IGF1R: variants seen among roughly 807,000 people sequenced by gnomAD.
IGF1R encodes the protein insulin like growth factor 1 receptor.
A neutral mutation model predicts 144.6 loss-of-function variants in IGF1R; 44 were observed. That is an observed-to-expected ratio of 0.30 (90% CI 0.24 to 0.39). The LOEUF is 0.39. Ranked by LOEUF, IGF1R falls within the 10% of genes least tolerant of loss-of-function variation. The probability of loss-of-function intolerance (pLI) is 1.00; values close to 1 mark genes in which losing one functional copy is unlikely to be tolerated. For synonymous variants in IGF1R, 795 were observed against 722.8 expected, an observed-to-expected ratio of 1.10 and a Z score of -1.60; for missense variants, 1,355 against 1,833.7, an observed-to-expected ratio of 0.74 and a Z score of 4.77.
chr15:98,693,047 G>A (rs11247367), intron 1 of IGF1R, among the ~76,000 whole-genome samples: 13,111 of 152,178 alleles, frequency 0.086, 677 homozygotes, highest in East Asian at 0.22. Flanking sequence ...GAGCATGGAG[G>A]GGCTGGTGGA....
At chr15:98,760,025 T>A (rs1044120197) in intron 2 of IGF1R, among the ~76,000 whole-genome samples, 2 of 152,208 alleles carry the variant, frequency 1.3e-5, no homozygotes, top group Non-Finnish European at 2.9e-5. Context: ...TCTTTTTAAA[T>A]GAATTGTGTT....
intron 2 of IGF1R, among the ~76,000 whole-genome samples, chr15:98,888,296 G>C (rs963378973): frequency 6.6e-6 from 1 of 152,220 alleles, no homozygotes; most frequent in South Asian, 2.1e-4. Flanking sequence ...ATTATATTCT[G>C]TTGTGACCAG....
intron 19 of IGF1R, among the ~76,000 whole-genome samples, chr15:98,946,365 T>G (rs1464192610): frequency 6.6e-6 from 1 of 152,134 alleles, no homozygotes; most frequent in Non-Finnish European, 1.5e-5. Flanking sequence ...GGACTAATTC[T>G]TTAAGCCCTG....
chr15:98,802,585 CAG>C (rs777763327), intron 2 of IGF1R, among the ~76,000 whole-genome samples: 19 of 152,350 alleles, frequency 1.2e-4, no homozygotes, highest in Non-Finnish European at 1.2e-4. Context: ...CTGCGAAAGA[CAG>C]GGGTTGCTTG....
intron 1 of IGF1R, among the ~76,000 whole-genome samples, chr15:98,656,970 TG>T (rs1442764241): frequency 6.6e-6 from 1 of 152,226 alleles, no homozygotes; most frequent in Admixed American, 6.5e-5. Context: ...ACTCTTGACA[TG>T]GGAGAACAAA....
intron 2 of IGF1R, among the ~76,000 whole-genome samples, chr15:98,872,589 C>T (rs535957070): frequency 7.8e-4 from 118 of 152,254 alleles, no homozygotes; most frequent in African/African-American, 2.7e-3. Context: ...AGTATAGTTC[C>T]GTGGTTTGCC....
rs2017166312 is a variant in IGF1R, at chr15:98,960,117, T to TA, written c.*2675_*2676insA. ...TAGACAAAAGAATACATCTCACCTT[T>TA]CTCAGCACCTGACAATAGGCCGTTG... On this transcript the variant is annotated 3_prime_UTR_variant, in exon 21 of 21. Coordinates refer to ENST00000650285, the MANE Select transcript of IGF1R (RefSeq NM_000875.5). 1 of 233,558 alleles carries TA rather than the reference T, an allele frequency of 4.3e-6. No homozygotes were observed. Among genetic ancestry groups the TA allele is most frequent in the Non-Finnish European group, 8.5e-6 (1 of 118,042 alleles). The allele number at this position is 233,558 out of a possible 1,614,324, so 14.5% of individuals were successfully genotyped here. A position where few individuals can be genotyped will look rare whatever the true frequency, so the allele number is the denominator to read the frequency against.
At chr15:98,765,817 G>C (rs890453472) in intron 2 of IGF1R, among the ~76,000 whole-genome samples, 2 of 152,214 alleles carry the variant, frequency 1.3e-5, no homozygotes, top group African/African-American at 2.4e-5. Context: ...TTCTCAGCCA[G>C]TGTGCACCTG....
At chr15:98,730,180 G>T (rs2054465481) in intron 2 of IGF1R, among the ~76,000 whole-genome samples, 1 of 151,844 alleles carries the variant, frequency 6.6e-6, no homozygotes, top group Non-Finnish European at 1.5e-5. Context: ...CTTTGGGCAG[G>T]TCACCTCACC....
rs1475741091 is a variant in IGF1R at position 98,961,515 on chromosome 15, CT to C, written c.*4074del. The C allele has an allele frequency of 1.3e-5, 3 of 233,492 alleles. No individual in the cohort carries two copies. Among genetic ancestry groups the C allele is most frequent in the Non-Finnish European group, 2.5e-5 (3 of 118,044 alleles). The allele number at this position is 233,492 out of a possible 1,614,324, so 14.5% of individuals were successfully genotyped here. On this transcript the variant is annotated 3_prime_UTR_variant, in exon 21 of 21. Transcript: ENST00000650285. Reference sequence around the variant, plus strand: ...TCCACAGTTCTAGCCTAACTTCATGCTGATTTCTCTGCCTCTTGATTTTTCT... The same window carrying C: ...TCCACAGTTCTAGCCTAACTTCATGCGATTTCTCTGCCTCTTGATTTTTCT...
intron 5 of IGF1R, among the ~76,000 whole-genome samples, chr15:98,902,198 G>A (rs57799013): frequency 0.041 from 6,201 of 152,130 alleles, 214 homozygotes; most frequent in East Asian, 0.14. Flanking sequence ...AGCGTTTGGG[G>A]TTAGGATCCA....
At chr15:98,885,976 C>T (rs1477132417) in intron 2 of IGF1R, among the ~76,000 whole-genome samples, 1 of 152,136 alleles carries the variant, frequency 6.6e-6, no homozygotes, top group Non-Finnish European at 1.5e-5. Context: ...GCCACCACAC[C>T]TGGCTAATTT....
chr15:98,714,168 T>C (rs1180129613), intron 2 of IGF1R, among the ~76,000 whole-genome samples: 1 of 143,408 alleles, frequency 7.0e-6, no homozygotes, highest in East Asian at 1.9e-4. Context: ...TGAAGGCAGG[T>C]TGTAGTAAAA....
rs2052284424 is a variant in IGF1R, at chr15:98,649,438, T to C, written c.-144T>C. 2 of 608,812 alleles carry C rather than the reference T, an allele frequency of 3.3e-6. No homozygotes were observed. Among genetic ancestry groups the C allele is most frequent in the South Asian group, 4.2e-5 (2 of 47,364 alleles). The allele number at this position is 608,812 out of a possible 1,614,324, so 37.7% of individuals were successfully genotyped here. On this transcript the variant is annotated 5_prime_UTR_variant, in exon 1 of 21. Coordinates refer to ENST00000650285, the MANE Select transcript of IGF1R (RefSeq NM_000875.5). ...CCCCGGCGGCGCCGCCTTCGGAGTA[T>C]TGTTTCCTTCGCCCTTGTTTTTGGA... is the stretch of plus-strand genomic sequence containing the variant.
chr15:98,932,503 A>G (rs1170812752), intron 15 of IGF1R, among the ~76,000 whole-genome samples: 1 of 152,168 alleles, frequency 6.6e-6, no homozygotes, highest in Non-Finnish European at 1.5e-5. Context: ...AATCGAGAGA[A>G]AAGGATTGAG....
At chr15:98,838,601 A>G (rs920489139) in intron 2 of IGF1R, among the ~76,000 whole-genome samples, 4 of 152,204 alleles carry the variant, frequency 2.6e-5, no homozygotes, top group Admixed American at 2.6e-4. Flanking sequence ...AGACTTTTCC[A>G]GTACTCTAAG....
chr15:98,858,599 C>G (rs1023278893), intron 2 of IGF1R, among the ~76,000 whole-genome samples: 1 of 152,150 alleles, frequency 6.6e-6, no homozygotes, highest in Non-Finnish European at 1.5e-5. Context: ...GCCATTTAAT[C>G]GAGATATAAA....
chr15:98,930,998 C>T (rs533606247), intron 15 of IGF1R, among the ~76,000 whole-genome samples: 60 of 152,326 alleles, frequency 3.9e-4, no homozygotes, highest in African/African-American at 1.4e-3. Flanking sequence ...GGACCCTTAA[C>T]TGGCACTTTG....
intron 1 of IGF1R, among the ~76,000 whole-genome samples, chr15:98,669,829 C>T (rs1164235907): frequency 3.9e-5 from 6 of 152,124 alleles, no homozygotes; most frequent in Admixed American, 1.3e-4. Flanking sequence ...GCACAAAGCT[C>T]GGAGGGGCAT....
Sources: allele counts gnomAD v4.1 joint callset (sites outside exome capture counted in the v4.1 genomes callset), GRCh38; gene constraint gnomAD v4.1.1; transcripts MANE v1.5; gene names NCBI Gene and HGNC (gene_info 2026-07-23, HGNC 2026-07-21).